The following MEPCE variants were observed in gnomAD, a reference collection of about 807,000 sequenced individuals.
MEPCE encodes the protein methylphosphate capping enzyme, also known as 7SK snRNA methylphosphate capping enzyme.
A neutral mutation model predicts 52.3 loss-of-function variants in MEPCE; 9 were observed. That is an observed-to-expected ratio of 0.17 (90% confidence interval 0.10 to 0.30). The LOEUF is 0.30. Among genes scored for constraint, MEPCE ranks in the 10% least tolerant of loss-of-function variants. The pLI is 1.00. For synonymous variants in MEPCE, 477 were observed against 401.6 expected (o/e 1.19, Z -2.25); for missense variants, 826 against 933.0 (o/e 0.89, Z 1.49).
In MEPCE at chr7:100,433,886, T is replaced by C. The variant is rs1176748899; in HGVS notation, c.*332T>C. On this transcript the variant is annotated 3_prime_UTR_variant, in exon 4 of 4. Coordinates refer to ENST00000310512, the MANE Select transcript of MEPCE (RefSeq NM_019606.6). ...ATTCTCTAGCCCTTTCCTCCTATTC[T>C]CCCAAGGAGAGAGATTCCCATTTCT... The C allele has an allele frequency of 2.9e-6, 1 of 341,892 alleles. No homozygotes were observed. The highest frequency in any genetic ancestry group is 4.5e-5 in the Admixed American group (1 of 22,058). The allele number at this position is 341,892 out of a possible 1,614,324, so 21.2% of individuals were successfully genotyped here. A position where few individuals can be genotyped will look rare whatever the true frequency, so the allele number is the denominator to read the frequency against.
chr7:100,431,764 G>T, intron 1 of MEPCE, 75 bp downstream of exon 1: 1 of 1,365,356 alleles, frequency 7.3e-7, no homozygotes, highest in Non-Finnish European at 9.8e-7. Flanking sequence ...AGCAGGGAAG[G>T]TTATGACCCA....
In MEPCE at chr7:100,433,568, C is replaced by G; in HGVS notation, c.*14C>G. 1 of 1,612,246 alleles carries G rather than the reference C, an allele frequency of 6.2e-7. No homozygotes were observed. Among genetic ancestry groups the G allele is most frequent in the Non-Finnish European group, 8.5e-7 (1 of 1,179,778 alleles). On this transcript the variant is annotated 3_prime_UTR_variant, in exon 4 of 4. Transcript: ENST00000310512. ...CCCAGCCACTAAGTGGCCCCCTAAA[C>G]AGAAAGTGTGAAGAGGCTGCCCTCG...
At position 100,432,905 on chromosome 7, in the gene MEPCE, A is replaced by C. The variant is rs765481353; in HGVS notation, c.1672-14A>C. 2.7e-5 allele frequency: 44 copies of C among 1,612,844 alleles called. No individual in the cohort carries two copies. In the East Asian group the frequency reaches 9.4e-4, roughly 34 times the overall value. On this transcript the variant is annotated splice_polypyrimidine_tract_variant and intron_variant, in intron 1 of 3. Transcript: ENST00000310512. Reference sequence around the variant, plus strand: ...ATTCCCTCAGTTGACCTCACTGCCGATTCTTGCCCTCAGGGTAATTATGTG... The same window carrying C: ...ATTCCCTCAGTTGACCTCACTGCCGCTTCTTGCCCTCAGGGTAATTATGTG...
chr7:100,433,623 A>G lies in MEPCE; in HGVS notation c.*69A>G, dbSNP rs146587084. 9 of 1,475,744 alleles carry G rather than the reference A, an allele frequency of 6.1e-6. No homozygotes were observed. The East Asian group carries it at 1.6e-4, about 26-fold the overall frequency. 91.4% of individuals were successfully genotyped at this position (1,475,744 alleles called of 1,614,324 possible). On this transcript the variant is annotated 3_prime_UTR_variant, in exon 4 of 4. Coordinates refer to ENST00000310512, the MANE Select transcript of MEPCE (RefSeq NM_019606.6). ...TCATAAGGACCTGGGGGAAGAGGAAAGTGTCCCAAGGTCTTTCCTTTCTGA... is the reference window on the plus strand; with the variant it reads ...TCATAAGGACCTGGGGGAAGAGGAAGGTGTCCCAAGGTCTTTCCTTTCTGA...
upstream of MEPCE, chr7:100,428,906 G>C (rs1798288438): frequency 6.6e-6 from 1 of 152,436 alleles, no homozygotes; most frequent in Non-Finnish European, 1.5e-5. Context: ...GCGTCTCCAG[G>C]TGATTGCGAT....
At chr7:100,429,341 G>C (rs974543131), upstream of MEPCE, 1 of 152,260 alleles carries the variant, frequency 6.6e-6, no homozygotes, top group African/African-American at 2.4e-5. Flanking sequence ...GCCTCTACCC[G>C]CGCAAGCCCA....
At chr7:100,431,960 A>G (rs571165904) in intron 1 of MEPCE, among the ~76,000 whole-genome samples, 1 of 152,246 alleles carries the variant, frequency 6.6e-6, no homozygotes, top group East Asian at 1.9e-4. Flanking sequence ...TTGGCCTATA[A>G]TCCACACTGG....
Position 100,430,866 on chromosome 7 carries a change from C to T in MEPCE, c.848C>T (p.Pro283Leu). ...QQAAGGSESH[P>L]VPPTAPLTPL... ...GCAGCCGGAGGGAGTGAGAGTCACC[C>T]CGTGCCGCCCACAGCCCCTCTCACC... Residue 283 changes from proline (P) to leucine (L), a missense_variant, in exon 1 of 4, where the codon CCC (proline) becomes CTC (leucine). Pro to Leu is a moderately conservative substitution (Grantham distance 98). Transcript: ENST00000310512. The T allele has an allele frequency of 6.2e-7, 1 of 1,609,114 alleles. No homozygotes were observed. The highest frequency in any genetic ancestry group is 8.5e-7 in the Non-Finnish European group (1 of 1,176,872).
At chr7:100,432,844 C>T in intron 1 of MEPCE, 75 bp from the exon 2 acceptor site, 3 of 1,353,804 alleles carry the variant, frequency 2.2e-6, no homozygotes, top group South Asian at 1.2e-5. Context: ...ACTGTATCGG[C>T]CTCAGAGCAG....
At chr7:100,429,652 A>T, upstream of MEPCE, 1 of 194,922 alleles carries the variant, frequency 5.1e-6, no homozygotes, top group Non-Finnish European at 1.0e-5. Context: ...CAGAGCCGTT[A>T]AGTTGGTTCG....
chr7:100,430,267 G>C lies in MEPCE; in HGVS notation c.249G>C (p.Gln83His). The part of the protein sequence containing the change: ...AATSSSGPQA[Q>H]QHRGGGPQAQ... ...CCTCCTCCAGTGGTCCCCAGGCGCAGCAGCACCGAGGGGGCGGCCCCCAGG... is the reference window on the plus strand; with the variant it reads ...CCTCCTCCAGTGGTCCCCAGGCGCACCAGCACCGAGGGGGCGGCCCCCAGG... Residue 83 changes from glutamine (Q) to histidine (H), a missense_variant, in exon 1 of 4, where the codon CAG becomes CAC. Physicochemically the swap from Gln to His is conservative, Grantham distance 24. Coordinates refer to ENST00000310512, the MANE Select transcript of MEPCE (RefSeq NM_019606.6). 6 of 1,396,874 alleles carry C rather than the reference G, an allele frequency of 4.3e-6. No homozygotes were observed. The highest frequency in any genetic ancestry group is 4.6e-6 in the Non-Finnish European group (5 of 1,080,164). 86.5% of individuals were successfully genotyped at this position (1,396,874 alleles called of 1,614,324 possible). A position where few individuals can be genotyped will look rare whatever the true frequency, so the allele number is the denominator to read the frequency against.
chr7:100,433,726 T>C lies in MEPCE; in HGVS notation c.*172T>C. 1.5e-6 allele frequency: 1 copy of C among 661,514 alleles called. No individual in the cohort carries two copies. Among genetic ancestry groups the C allele is most frequent in the Non-Finnish European group, 2.6e-6 (1 of 389,800 alleles). The allele number at this position is 661,514 out of a possible 1,614,324, so 41.0% of individuals were successfully genotyped here. A position where few individuals can be genotyped will look rare whatever the true frequency, so the allele number is the denominator to read the frequency against. ...GCTGCCTCAGCCTCCTCCCTATGCCTCTGGCACCTGCGCAGCAAGGCTGGC... is the reference window on the plus strand; with the variant it reads ...GCTGCCTCAGCCTCCTCCCTATGCCCCTGGCACCTGCGCAGCAAGGCTGGC... On this transcript the variant is annotated 3_prime_UTR_variant, in exon 4 of 4. Transcript: ENST00000310512.
rs200684338 is a variant in MEPCE, at chr7:100,430,946, C to G, written c.928C>G (p.Arg310Gly). 6.2e-7 allele frequency: 1 copy of G among 1,608,312 alleles called. No individual in the cohort carries two copies. The highest frequency in any genetic ancestry group is 1.1e-5 in the South Asian group (1 of 90,540). ...SQQPRHRGQN[R>G]DAPQPYELNT... The stretch of plus-strand genomic sequence containing the variant: ...GCAGCCGCGGCACAGGGGCCAGAAC[C>G]GGGATGCCCCCCAACCCTATGAACT... The change falls in exon 1 of 4, where the codon CGG becomes GGG. Residue 310 changes from arginine to glycine, a missense_variant. Physicochemically the swap from Arg to Gly is moderately radical, Grantham distance 125 (BLOSUM62 -2). Around this residue, in one of 7 missense-constraint regions of MEPCE, gnomAD observed 307 missense variants for 292.1 expected, o/e 1.05. Transcript: ENST00000310512.
chr7:100,431,532 A>C lies in MEPCE; in HGVS notation c.1514A>C (p.Asp505Ala). 1 of 1,612,960 alleles carries C rather than the reference A, an allele frequency of 6.2e-7. No individual in the cohort carries two copies. The highest frequency in any genetic ancestry group is 8.5e-7 in the Non-Finnish European group (1 of 1,179,978). Residue 505 changes from aspartate (D) to alanine (A), a missense_variant, in exon 1 of 4, where the codon GAC becomes GCC. This residue lies in a region of MEPCE where 107 missense variants were observed against 157.9 expected (regional missense o/e 0.68). Coordinates refer to ENST00000310512, the MANE Select transcript of MEPCE (RefSeq NM_019606.6). ...LRLPPQTLEG[D>A]PGAEGEEGTT... ...CTCCCACCCCAGACTTTGGAAGGGG[A>C]CCCGGGGGCAGAGGGTGAGGAAGGG...
chr7:100,432,511 C>T (rs1032565772), intron 1 of MEPCE, among the ~76,000 whole-genome samples: 5 of 152,198 alleles, frequency 3.3e-5, no homozygotes, highest in Non-Finnish European at 5.9e-5. Context: ...ACTTTGCCAG[C>T]CCCAACTGCA....
In MEPCE at chr7:100,429,971, C is replaced by T. The variant is rs541573681; in HGVS notation, c.-48C>T. 186 of 1,217,012 alleles carry T rather than the reference C, an allele frequency of 1.5e-4. 1 individual carries two copies. In the East Asian group the frequency reaches 5.8e-3, roughly 38 times the overall value. 75.4% of individuals were successfully genotyped at this position (1,217,012 alleles called of 1,614,324 possible). A position where few individuals can be genotyped will look rare whatever the true frequency, so the allele number is the denominator to read the frequency against. On this transcript the variant is annotated 5_prime_UTR_variant, in exon 1 of 4. Coordinates refer to ENST00000310512, the MANE Select transcript of MEPCE (RefSeq NM_019606.6). ...AGGGTCCAGGCAGGGGGGGTTAGGCCCCCTGATCCCCCTCGTTACCCCGAC... is the reference window on the plus strand; with the variant it reads ...AGGGTCCAGGCAGGGGGGGTTAGGCTCCCTGATCCCCCTCGTTACCCCGAC...
chr7:100,432,078 A>T (rs1798733969), intron 1 of MEPCE, among the ~76,000 whole-genome samples: 1 of 152,148 alleles, frequency 6.6e-6, no homozygotes, highest in Non-Finnish European at 1.5e-5. Context: ...TCAGACATGG[A>T]ATGTCTTCTA....
chr7:100,433,172 G>A, intron 2 of MEPCE, 35 bp downstream of exon 2: 5 of 1,613,126 alleles, frequency 3.1e-6, no homozygotes, highest in Non-Finnish European at 4.2e-6. Context: ...TCATTCCTTT[G>A]GTTGAGGCAA....
chr7:100,430,878 C>T lies in MEPCE; in HGVS notation c.860C>T (p.Thr287Ile), dbSNP rs1444325722. 2.5e-6 allele frequency: 4 copies of T among 1,609,068 alleles called. No homozygotes were observed. Among genetic ancestry groups the T allele is most frequent in the Admixed American group, 3.3e-5 (2 of 59,832 alleles). Reference protein sequence around the residue: ...GGSESHPVPPTAPLTPLLHGE... With the variant: ...GGSESHPVPPIAPLTPLLHGE... ...AGTGAGAGTCACCCCGTGCCGCCCACAGCCCCTCTCACCCCCTTACTCCAC... is the reference window on the plus strand; with the variant it reads ...AGTGAGAGTCACCCCGTGCCGCCCATAGCCCCTCTCACCCCCTTACTCCAC... The change falls in exon 1 of 4, where the codon ACA becomes ATA. Residue 287 changes from threonine (T) to isoleucine (I), a missense_variant. Transcript: ENST00000310512.
Sources: gnomAD v4.1 joint callset for allele counts (sites outside exome capture counted in the v4.1 genomes callset) on GRCh38, gnomAD v4.1.1 for gene constraint, gnomAD v4.1.1 regional missense constraint, MANE v1.5 for transcripts, NCBI Gene and HGNC (gene_info 2026-07-23, HGNC 2026-07-21) for gene names.